The following PSMD12 variants were observed in gnomAD, a reference collection of about 807,000 sequenced individuals.
PSMD12 encodes proteasome 26S subunit, non-ATPase 12.
Under a neutral mutation model 62.9 loss-of-function variants are expected in PSMD12, and 8 were observed. That is an observed-to-expected ratio of 0.13 (90% confidence interval 0.07 to 0.23). The LOEUF is 0.23. PSMD12 is among the 10% of genes least tolerant of loss of function. PSMD12 has a pLI of 1.00. For synonymous variants in PSMD12, 173 were observed against 187.4 expected (o/e 0.92, Z 0.63); for missense variants, 424 against 550.2 (o/e 0.77, Z 2.29).
At chr17:67,357,612 A>AC (rs764582752) in intron 1 of PSMD12, 34 bp from the exon 2 acceptor site, 1 of 1,588,352 alleles carries the variant, frequency 6.3e-7, no homozygotes. Context: ...CAATAAAAAA[A>AC]CACACAAAAT....
intron 9 of PSMD12, among the ~76,000 whole-genome samples, chr17:67,343,581 C>T (rs2041935425): frequency 6.6e-6 from 1 of 152,176 alleles, no homozygotes; most frequent in Non-Finnish European, 1.5e-5. Flanking sequence ...TGTAGAACTA[C>T]CAAAGTTTCC....
chr17:67,357,178 A>T lies in PSMD12; in HGVS notation c.297+125T>A, dbSNP rs546263362. ...ATTGTGAGAATGTAGACTGAATTTT[A>T]AAACACCCTCTAGGATGTTACAACG... On this transcript the variant is annotated intron_variant, in intron 3 of 10. Coordinates refer to ENST00000356126, the MANE Select transcript of PSMD12 (RefSeq NM_002816.5). The T allele has an allele frequency of 6.5e-6, 7 of 1,078,112 alleles. No individual in the cohort carries two copies. The African/African-American group carries it at 9.6e-5, about 15-fold the overall frequency. 66.8% of individuals were successfully genotyped at this position (1,078,112 alleles called of 1,614,324 possible).
chr17:67,350,199 C>T (rs2042004556), intron 4 of PSMD12, 30 bp downstream of exon 4: 1 of 1,447,020 alleles, frequency 6.9e-7, no homozygotes, highest in Non-Finnish European at 9.6e-7. Flanking sequence ...CAGTTCATAT[C>T]ATTTTGAGTT....
intron 3 of PSMD12, among the ~76,000 whole-genome samples, chr17:67,355,957 A>G (rs1429340437): frequency 6.8e-6 from 1 of 147,874 alleles, no homozygotes; most frequent in African/African-American, 2.5e-5. Flanking sequence ...GTGAGACCCA[A>G]GCCCCCATTT....
Position 67,340,090 on chromosome 17 carries a change from CAAAAAAAAAAAAA to C in PSMD12, c.*740_*752del, listed in dbSNP as rs34639826. 1 of 71,364 alleles carries C rather than the reference CAAAAAAAAAAAAA, an allele frequency of 1.4e-5. No homozygotes were observed. The highest frequency in any genetic ancestry group is 2.5e-5 in the Non-Finnish European group (1 of 40,750). The allele number at this position is 71,364 out of a possible 1,614,324, so 4.4% of individuals were successfully genotyped here. A position where few individuals can be genotyped will look rare whatever the true frequency, so the allele number is the denominator to read the frequency against. ...TAAAGAAAGGGGAGAGGAAGAAGAG[CAAAAAAAAAAAAA>C]AAAAAAAAGTAGTCACTATCCCTAT... On this transcript the variant is annotated 3_prime_UTR_variant, in exon 11 of 11. Coordinates refer to ENST00000356126, the MANE Select transcript of PSMD12 (RefSeq NM_002816.5).
chr17:67,356,483 G>A (rs1180987333), intron 3 of PSMD12, among the ~76,000 whole-genome samples: 2 of 140,586 alleles, frequency 1.4e-5, no homozygotes, highest in Middle Eastern at 3.4e-3. Flanking sequence ...GCGTGAACCC[G>A]GGAGGCGGAG....
At chr17:67,345,484 A>G in intron 8 of PSMD12, 1 of 350,266 alleles carries the variant, frequency 2.9e-6, no homozygotes, top group Admixed American at 3.9e-5. Flanking sequence ...TCTACTAAAA[A>G]TACAAAAATT....
At chr17:67,343,474 A>G (rs1168530062) in intron 9 of PSMD12, among the ~76,000 whole-genome samples, 1 of 152,046 alleles carries the variant, frequency 6.6e-6, no homozygotes, top group East Asian at 1.9e-4. Flanking sequence ...CTTGGTGCGC[A>G]GGCTGCCCTC....
intron 1 of PSMD12, among the ~76,000 whole-genome samples, chr17:67,361,419 T>TA (rs1355163007): frequency 2.0e-5 from 3 of 152,074 alleles, no homozygotes; most frequent in African/African-American, 7.2e-5. Flanking sequence ...CCATCTCTAC[T>TA]AAAAATACAA....
At position 67,366,572 on chromosome 17, in the gene PSMD12, A is replaced by C. The variant is rs370877454; in HGVS notation, c.-53T>G. 97 of 1,518,704 alleles carry C rather than the reference A, an allele frequency of 6.4e-5. No individual in the cohort carries two copies. The East Asian group carries it at 2.0e-3, about 31-fold the overall frequency. 94.1% of individuals were successfully genotyped at this position (1,518,704 alleles called of 1,614,324 possible). On this transcript the variant is annotated 5_prime_UTR_variant, in exon 1 of 11. Transcript: ENST00000356126. Reference sequence around the variant, plus strand: ...CCCCCTGCTTCGGCCACCACTCGTCACCCACACCGGAAGTTGCCCGCGCAC... The same window carrying C: ...CCCCCTGCTTCGGCCACCACTCGTCCCCCACACCGGAAGTTGCCCGCGCAC...
At chr17:67,356,004 A>G (rs868667131) in intron 3 of PSMD12, among the ~76,000 whole-genome samples, 128 of 132,464 alleles carry the variant, frequency 9.7e-4, no homozygotes, top group African/African-American at 3.1e-3. Context: ...ACACACACAC[A>G]CACACGCACA....
At chr17:67,358,579 AAAAAAAAGAAAAGAAAAAAAAG>A (rs2042100076) in intron 1 of PSMD12, among the ~76,000 whole-genome samples, 2 of 150,628 alleles carry the variant, frequency 1.3e-5, no homozygotes, top group Non-Finnish European at 3.0e-5. Flanking sequence ...AAAAAAAAAA[AAAAAAAAGAAAAGAAAAAAAAG>A]AAAAAAAAAG....
intron 3 of PSMD12, among the ~76,000 whole-genome samples, chr17:67,352,488 T>C (rs973891708): frequency 1.7e-4 from 26 of 152,280 alleles, no homozygotes; most frequent in African/African-American, 6.0e-4. Flanking sequence ...TCACAAAACA[T>C]AGGATGCCTG....
chr17:67,343,039 C>T (rs6504498), intron 9 of PSMD12, among the ~76,000 whole-genome samples: 110,582 of 151,338 alleles, frequency 0.73, 40,916 homozygotes, highest in Non-Finnish European at 0.79. Flanking sequence ...TTCCTAATTT[C>T]AACTGGCGAT....
chr17:67,345,809 C>G lies in PSMD12; in HGVS notation c.844G>C (p.Glu282Gln). The part of the protein sequence containing the change: ...LYVILAPFDN[E>Q]QSDLVHRISG... ...ATTCGGTGAACCAAATCTGACTGTT[C>G]ATTGTCAAAAGGAGCCAGGATAACA... is the stretch of plus-strand genomic sequence containing the variant. The change falls in exon 8 of 11, where the codon GAA becomes CAA. Residue 282 changes from glutamate (E) to glutamine (Q), a missense_variant. Glu to Gln is a conservative substitution (Grantham distance 29, BLOSUM62 2). Coordinates refer to ENST00000356126, the MANE Select transcript of PSMD12 (RefSeq NM_002816.5). The G allele has an allele frequency of 6.2e-7, 1 of 1,613,910 alleles. No homozygotes were observed. The highest frequency in any genetic ancestry group is 1.1e-5 in the South Asian group (1 of 91,074).
In PSMD12 at chr17:67,337,949, T is replaced by A. The variant is rs1478168913; in HGVS notation, c.*2894A>T. ...TAAAGTATGAGTTTATTCTCCAGGT[T>A]TTCTTAAATACCCACAAATTAGTGT... is the stretch of plus-strand genomic sequence containing the variant. On this transcript the variant is annotated 3_prime_UTR_variant, in exon 11 of 11. Transcript: ENST00000356126. The A allele has an allele frequency of 6.6e-6, 1 of 152,208 alleles. No individual in the cohort carries two copies. Among genetic ancestry groups the A allele is most frequent in the East Asian group, 1.9e-4 (1 of 5,204 alleles). The allele number at this position is 152,208 out of a possible 1,614,324, so 9.4% of individuals were successfully genotyped here.
At chr17:67,361,920 A>G (rs559198845) in intron 1 of PSMD12, among the ~76,000 whole-genome samples, 2,442 of 116,212 alleles carry the variant, frequency 0.021, 52 homozygotes, top group Non-Finnish European at 0.033. Context: ...GGAAGGAAGG[A>G]AGGGAGGGAG....
At chr17:67,344,890 TTAG>T (rs1285303306) in intron 8 of PSMD12, 110 bp from the exon 9 acceptor site, 6 of 897,978 alleles carry the variant, frequency 6.7e-6, no homozygotes, top group Non-Finnish European at 9.8e-6. Flanking sequence ...TAAATTTTAT[TTAG>T]TAGAATGAGA....
chr17:67,339,771 A>T lies in PSMD12; in HGVS notation c.*1072T>A, dbSNP rs1433280357. On this transcript the variant is annotated 3_prime_UTR_variant, in exon 11 of 11. Transcript: ENST00000356126. ...ATTTTCTCTGAAATAAATCAAATTA[A>T]ACTTGCAAAATTCGTTCACACCAAT... The T allele has an allele frequency of 6.6e-6, 1 of 152,162 alleles. No homozygotes were observed. Among genetic ancestry groups the T allele is most frequent in the Non-Finnish European group, 1.5e-5 (1 of 68,036 alleles). 9.4% of individuals were successfully genotyped at this position (152,162 alleles called of 1,614,324 possible).
Sources: gnomAD v4.1 joint callset for allele counts (sites outside exome capture counted in the v4.1 genomes callset) on GRCh38, gnomAD v4.1.1 for gene constraint, MANE v1.5 for transcripts, NCBI Gene and HGNC (gene_info 2026-07-23, HGNC 2026-07-21) for gene names.